Variants in SERGEF observed in about 807,000 individuals in gnomAD.
The protein encoded by SERGEF is secretion-regulating guanine nucleotide exchange factor.
In SERGEF, 51 loss-of-function variants were observed where a neutral mutation model predicts 50.0. That is an observed-to-expected ratio of 1.02 (90% CI 0.81 to 1.29). The LOEUF is 1.29. SERGEF is among the 50% of genes most tolerant of loss of function. SERGEF has a pLI of 0.00. For missense variants in SERGEF, 521 were observed against 557.0 expected, an observed-to-expected ratio of 0.94 and a Z score of 0.65; for synonymous variants, 205 against 212.4, an observed-to-expected ratio of 0.97 and a Z score of 0.30.
intron 10 of SERGEF, among the ~76,000 whole-genome samples, chr11:17,800,149 A>C (rs1849642729): frequency 6.6e-6 from 1 of 152,198 alleles, no homozygotes; most frequent in Non-Finnish European, 1.5e-5. Context: ...TATATTAATG[A>C]ATTTTTTTCC....
intron 9 of SERGEF, among the ~76,000 whole-genome samples, chr11:17,902,765 A>T (rs1851770307): frequency 6.6e-6 from 1 of 152,246 alleles, no homozygotes; most frequent in Non-Finnish European, 1.5e-5. Flanking sequence ...TGCAAGGATT[A>T]GCTGAACAAG....
At chr11:17,873,798 T>C (rs763855209) in intron 10 of SERGEF, among the ~76,000 whole-genome samples, 8 of 152,104 alleles carry the variant, frequency 5.3e-5, no homozygotes, top group Non-Finnish European at 1.2e-4. Flanking sequence ...CAAGGGTCTG[T>C]GTGGAGCAGG....
At chr11:17,825,579 G>A (rs779297210) in intron 10 of SERGEF, among the ~76,000 whole-genome samples, 1 of 152,160 alleles carries the variant, frequency 6.6e-6, no homozygotes, top group Admixed American at 6.5e-5. Context: ...CCTAGTCAAC[G>A]TTCCTCTAAA....
At chr11:17,808,677 G>A (rs1022055824) in intron 10 of SERGEF, among the ~76,000 whole-genome samples, 2 of 152,134 alleles carry the variant, frequency 1.3e-5, no homozygotes, top group African/African-American at 4.8e-5. Context: ...TCACAAATGG[G>A]CCCTCCAGGA....
chr11:18,008,869 CCAAA>C (rs1854137105), intron 1 of SERGEF, among the ~76,000 whole-genome samples: 1 of 152,050 alleles, frequency 6.6e-6, no homozygotes, highest in Admixed American at 6.6e-5. Flanking sequence ...GACACAGAAT[CCAAA>C]CAAAGTTCCA....
In SERGEF at chr11:17,790,338, T is replaced by A. The variant is rs1047290477; in HGVS notation, c.1049-1925A>T. ...TTACACAAATAGAATCATTCACATA[T>A]TTTTTTTTTTTTCTGCAAGTTGCTC... is the stretch of plus-strand genomic sequence containing the variant. On this transcript the variant is annotated intron_variant, in intron 10 of 10. Coordinates refer to ENST00000265965, the MANE Select transcript of SERGEF (RefSeq NM_012139.4). Among the ~76,000 whole-genome samples, 4 of 110,086 alleles carry A rather than the reference T, an allele frequency of 3.6e-5. No individual in the cohort carries two copies. In the East Asian group the frequency reaches 8.0e-4, roughly 22 times the overall value. The allele number at this position is 110,086 out of a possible 152,430, so 72.2% of individuals were successfully genotyped here.
intron 10 of SERGEF, among the ~76,000 whole-genome samples, chr11:17,842,729 G>T (rs1449172292): frequency 6.6e-6 from 1 of 152,188 alleles, no homozygotes; most frequent in Non-Finnish European, 1.5e-5. Context: ...GTAAAGGGTG[G>T]CTGTTATTTC....
chr11:17,812,276 A>G (rs1307259576), intron 10 of SERGEF, among the ~76,000 whole-genome samples: 2 of 152,222 alleles, frequency 1.3e-5, no homozygotes, highest in Non-Finnish European at 2.9e-5. Flanking sequence ...GCCCCTTAAG[A>G]GGGGTAGGCA....
intron 10 of SERGEF, among the ~76,000 whole-genome samples, chr11:17,845,525 C>G (rs1448770452): frequency 6.6e-6 from 1 of 152,200 alleles, no homozygotes; most frequent in Non-Finnish European, 1.5e-5. Context: ...CATCCTGGCT[C>G]TGTTCACTGA....
chr11:17,923,689 G>A (rs1852200172), intron 9 of SERGEF, among the ~76,000 whole-genome samples: 2 of 152,106 alleles, frequency 1.3e-5, no homozygotes, highest in South Asian at 4.1e-4. Context: ...CTGGTCACAG[G>A]GGAAAACAAC....
At chr11:17,851,423 T>A (rs1850711341) in intron 10 of SERGEF, among the ~76,000 whole-genome samples, 1 of 152,152 alleles carries the variant, frequency 6.6e-6, no homozygotes, top group African/African-American at 2.4e-5. Context: ...GTGTCTCCTG[T>A]GTATCTAGTA....
chr11:17,810,589 C>T (rs1182804207), intron 10 of SERGEF, among the ~76,000 whole-genome samples: 1 of 152,204 alleles, frequency 6.6e-6, no homozygotes, highest in African/African-American at 2.4e-5. Flanking sequence ...ATAGCATTCC[C>T]TTGATGAGCT....
Position 17,878,432 on chromosome 11 carries a change from TA to T in SERGEF, c.1012-189del, listed in dbSNP as rs577558335. Among the ~76,000 whole-genome samples the T allele has an allele frequency of 9.7e-4, 148 of 151,840 alleles. 1 individual carries two copies. The highest frequency in any genetic ancestry group is 1.5e-3 in the Admixed American group (23 of 15,266). Reference sequence around the variant, plus strand: ...CATTCACAGCTACATAAAAAGAAAATAAAAAAAATATTGAATGGAAATTCAT... The same window carrying T: ...CATTCACAGCTACATAAAAAGAAAATAAAAAAATATTGAATGGAAATTCAT... On this transcript the variant is annotated intron_variant, in intron 9 of 10. Transcript: ENST00000265965.
At chr11:17,810,346 T>C (rs1849844962) in intron 10 of SERGEF, among the ~76,000 whole-genome samples, 1 of 152,192 alleles carries the variant, frequency 6.6e-6, no homozygotes, top group African/African-American at 2.4e-5. Flanking sequence ...CATCCCGCAA[T>C]CAGGAATGCC....
At chr11:17,960,512 G>C (rs571275309) in intron 8 of SERGEF, among the ~76,000 whole-genome samples, 6 of 152,134 alleles carry the variant, frequency 3.9e-5, no homozygotes, top group Admixed American at 3.9e-4. Context: ...AACCATGTGC[G>C]TTGTATAAAT....
intron 9 of SERGEF, among the ~76,000 whole-genome samples, chr11:17,931,033 A>T (rs1253698902): frequency 6.6e-6 from 1 of 152,134 alleles, no homozygotes; most frequent in Non-Finnish European, 1.5e-5. Context: ...CCAATTCAGC[A>T]CTGCACCTGT....
intron 8 of SERGEF, among the ~76,000 whole-genome samples, chr11:17,981,773 A>T (rs1250699672): frequency 6.6e-6 from 1 of 152,100 alleles, no homozygotes; most frequent in Non-Finnish European, 1.5e-5. Context: ...CTCTTCAGGT[A>T]AGAATAAGTG....
chr11:17,907,163 CAAAAAA>C (rs200442630), intron 9 of SERGEF, among the ~76,000 whole-genome samples: 5 of 116,818 alleles, frequency 4.3e-5, no homozygotes, highest in African/African-American at 6.3e-5. Context: ...AACTTATGAC[CAAAAAA>C]AAAAAAAAAA....
intron 4 of SERGEF, among the ~76,000 whole-genome samples, chr11:18,001,790 T>C (rs534975805): frequency 6.6e-6 from 1 of 152,372 alleles, no homozygotes; most frequent in East Asian, 1.9e-4. Flanking sequence ...TCTTCACTTC[T>C]CTAAATATGC....
Sources: allele counts gnomAD v4.1 joint callset (sites outside exome capture counted in the v4.1 genomes callset), GRCh38; gene constraint gnomAD v4.1.1; transcripts MANE v1.5; gene names NCBI Gene and HGNC (gene_info 2026-07-23, HGNC 2026-07-21).